The following FNDC3B variants were observed in gnomAD, a reference collection of about 807,000 sequenced individuals.
The protein encoded by FNDC3B is fibronectin type III domain-containing protein 3B.
Under a neutral mutation model 151.5 loss-of-function variants are expected in FNDC3B, and 12 were observed. The ratio of observed to expected loss-of-function variants is 0.08; its 90% CI spans 0.05 to 0.13. FNDC3B has a LOEUF of 0.13. Ranked by LOEUF, FNDC3B falls within the 10% of genes least tolerant of loss-of-function variation. FNDC3B has a pLI of 1.00. For missense variants in FNDC3B, 1,214 were observed against 1,505.3 expected, an observed-to-expected ratio of 0.81 and a Z score of 3.20; for synonymous variants, 528 against 549.0, an observed-to-expected ratio of 0.96 and a Z score of 0.54.
At chr3:172,283,330 GA>G (rs912712279) in intron 6 of FNDC3B, among the ~76,000 whole-genome samples, 6 of 151,770 alleles carry the variant, frequency 4.0e-5, no homozygotes, top group Non-Finnish European at 7.4e-5. Flanking sequence ...ATGTGTATTT[GA>G]AAGCAAGGTG....
intron 3 of FNDC3B, among the ~76,000 whole-genome samples, chr3:172,150,900 T>C (rs1722185069): frequency 1.3e-5 from 2 of 150,680 alleles, no homozygotes; most frequent in Non-Finnish European, 2.9e-5. Context: ...CTACTCTTTA[T>C]TTTTCTCATC....
chr3:172,084,014 G>A (rs949267876), intron 1 of FNDC3B, among the ~76,000 whole-genome samples: 18 of 152,004 alleles, frequency 1.2e-4, no homozygotes, highest in African/African-American at 4.1e-4. Flanking sequence ...GTATAAAAAA[G>A]TAAAAGCCTC....
At chr3:172,275,983 A>G (rs1488785813) in intron 6 of FNDC3B, among the ~76,000 whole-genome samples, 1 of 152,172 alleles carries the variant, frequency 6.6e-6, no homozygotes, top group Non-Finnish European at 1.5e-5. Flanking sequence ...CTAGATTTCA[A>G]GTTGGATATA....
chr3:172,339,495 G>C (rs527702226), intron 16 of FNDC3B, among the ~76,000 whole-genome samples: 1 of 152,028 alleles, frequency 6.6e-6, no homozygotes, highest in Non-Finnish European at 1.5e-5. Context: ...CCCAGGAGTC[G>C]GAGGTCGCAG....
intron 21 of FNDC3B, among the ~76,000 whole-genome samples, chr3:172,347,892 G>GAATA (rs1314467895): frequency 2.0e-5 from 3 of 152,222 alleles, no homozygotes; most frequent in Admixed American, 1.3e-4. Context: ...AGTCCAGATA[G>GAATA]AATAACATCA....
chr3:172,393,636 C>T (rs574412447), intron 25 of FNDC3B, among the ~76,000 whole-genome samples: 1 of 152,256 alleles, frequency 6.6e-6, no homozygotes, highest in Admixed American at 6.5e-5. Context: ...GAAATTATAT[C>T]AAGTATCTTT....
intron 2 of FNDC3B, among the ~76,000 whole-genome samples, chr3:172,120,840 T>C (rs1720506725): frequency 6.6e-6 from 1 of 152,066 alleles, no homozygotes; most frequent in African/African-American, 2.4e-5. Flanking sequence ...GCTGCATGCC[T>C]GTAGTCCCAG....
chr3:172,294,268 T>A (rs1431668550), intron 7 of FNDC3B, among the ~76,000 whole-genome samples: 1 of 152,194 alleles, frequency 6.6e-6, no homozygotes, highest in East Asian at 1.9e-4. Flanking sequence ...GTTCTCGCAT[T>A]GCTATGAAGA....
rs760727962 is a variant in FNDC3B at position 172,329,087 on chromosome 3, T to G, written c.1379+11T>G. 6.2e-7 allele frequency: 1 copy of G among 1,603,070 alleles called. No homozygotes were observed. Among genetic ancestry groups the G allele is most frequent in the Admixed American group, 1.7e-5 (1 of 59,148 alleles). On this transcript the variant is annotated intron_variant, in intron 12 of 25. Coordinates refer to ENST00000415807, the MANE Select transcript of FNDC3B (RefSeq NM_022763.4). ...CGACATTGGTACCAGGTATGACGTT[T>G]CCTTGTCCTCTTGCCCTTCAGCCTT...
Position 172,209,796 on chromosome 3 carries a change from C to T in FNDC3B, c.188-17075C>T, listed in dbSNP as rs186983511. Reference sequence around the variant, plus strand: ...ACTATCAATATGCCATCCATGGCGCCCAGGCTGTCCGGCCCGAGGGGCACC... The same window carrying T: ...ACTATCAATATGCCATCCATGGCGCTCAGGCTGTCCGGCCCGAGGGGCACC... On this transcript the variant is annotated intron_variant, in intron 3 of 25. Transcript: ENST00000415807. Among the ~76,000 whole-genome samples the T allele has an allele frequency of 3.7e-3, 559 of 152,356 alleles. 11 individuals are homozygous for T. The highest frequency in any genetic ancestry group is 0.034 in the Admixed American group (525 of 15,306).
chr3:172,295,244 T>C, intron 7 of FNDC3B, 119 bp from the exon 8 acceptor site: 1 of 919,530 alleles, frequency 1.1e-6, no homozygotes. Flanking sequence ...AAGATGTCTT[T>C]CATTGTAATT....
Position 172,174,139 on chromosome 3 carries a change from C to T in FNDC3B, c.187+40593C>T, listed in dbSNP as rs898569610. On this transcript the variant is annotated intron_variant, in intron 3 of 25. Coordinates refer to ENST00000415807, the MANE Select transcript of FNDC3B (RefSeq NM_022763.4). ...TTTCACACCTCTGCATGCAGAATGA[C>T]TCTCATTCTCTTTTACCAAAGAGCG... Among the ~76,000 whole-genome samples the T allele has an allele frequency of 5.9e-5, 9 of 152,020 alleles. No homozygotes were observed. The East Asian group carries it at 1.7e-3, about 29-fold the overall frequency.
intron 5 of FNDC3B, 129 bp from the exon 6 acceptor site, chr3:172,251,131 T>G: frequency 1.3e-6 from 1 of 752,424 alleles, no homozygotes; most frequent in Non-Finnish European, 2.1e-6. Context: ...TTTATTAGAC[T>G]CTATTTAGTA....
At chr3:172,172,748 T>C (rs574981067) in intron 3 of FNDC3B, among the ~76,000 whole-genome samples, 2 of 152,360 alleles carry the variant, frequency 1.3e-5, no homozygotes, top group East Asian at 3.9e-4. Flanking sequence ...TATATGCATT[T>C]ATATCGCTCA....
intron 3 of FNDC3B, among the ~76,000 whole-genome samples, chr3:172,211,521 G>C (rs997589711): frequency 6.6e-6 from 1 of 152,212 alleles, no homozygotes; most frequent in Non-Finnish European, 1.5e-5. Context: ...TAGATTGTTA[G>C]AAGGACCCAA....
At chr3:172,251,018 A>G (rs1728035880) in intron 5 of FNDC3B, among the ~76,000 whole-genome samples, 1 of 152,026 alleles carries the variant, frequency 6.6e-6, no homozygotes, top group Non-Finnish European at 1.5e-5. Context: ...GGGTTTCACC[A>G]TGTTGCCCAG....
intron 18 of FNDC3B, among the ~76,000 whole-genome samples, chr3:172,343,323 A>G (rs1003248083): frequency 1.6e-4 from 25 of 151,924 alleles, no homozygotes; most frequent in African/African-American, 5.1e-4. Context: ...ACTGTCCCTC[A>G]CCTTCCTCTT....
intron 3 of FNDC3B, among the ~76,000 whole-genome samples, chr3:172,196,762 A>G (rs1217788090): frequency 6.6e-6 from 1 of 152,166 alleles, no homozygotes; most frequent in African/African-American, 2.4e-5. Flanking sequence ...AGATGATGGC[A>G]CCTCACGTTT....
intron 10 of FNDC3B, among the ~76,000 whole-genome samples, chr3:172,308,488 T>C (rs138999227): frequency 6.6e-6 from 1 of 152,190 alleles, no homozygotes. Context: ...GCTAGGAAGA[T>C]CCATTATTAG....
Sources: gnomAD v4.1 joint callset for allele counts (sites outside exome capture counted in the v4.1 genomes callset) on GRCh38, gnomAD v4.1.1 for gene constraint, MANE v1.5 for transcripts, NCBI Gene and HGNC (gene_info 2026-07-23, HGNC 2026-07-21) for gene names.